VWA5B2: variants seen among roughly 807,000 people sequenced by gnomAD.
VWA5B2 encodes von Willebrand factor A domain-containing protein 5B2.
VWA5B2 carries 93 observed loss-of-function variants against 118.5 expected under a neutral mutation model. The ratio of observed to expected loss-of-function variants is 0.79; its 90% CI spans 0.66 to 0.93. The LOEUF is 0.93. Among genes scored for constraint, VWA5B2 ranks in the 40% least tolerant of loss-of-function variants. VWA5B2 has a pLI of 0.00. For missense variants in VWA5B2, 1,546 were observed against 1,672.8 expected (o/e 0.92, Z 1.32); for synonymous variants, 708 against 716.3 (o/e 0.99, Z 0.19).
intron 8 of VWA5B2, among the ~76,000 whole-genome samples, chr3:184,235,880 A>ACACACAGTCATGTATACCTCCAGAGTCC (rs1560153139): frequency 5.3e-5 from 8 of 151,404 alleles, no homozygotes; most frequent in African/African-American, 1.5e-4. Context: ...CCAGAGTCCC[A>ACACACAGTCATGTATACCTCCAGAGTCC]CACACAGTCA....
At chr3:184,236,590 C>G in intron 10 of VWA5B2, 39 bp downstream of exon 10, 1 of 1,547,744 alleles carries the variant, frequency 6.5e-7, no homozygotes, top group Non-Finnish European at 8.7e-7. Context: ...AGACTGAGCC[C>G]CCACAAGGGG....
rs1233375528 is a variant in VWA5B2 at position 184,233,240 on chromosome 3, G to A, written c.373G>A (p.Ala125Thr). The part of the protein sequence containing the change: ...STLVLPTGII[A>T]AAGTMTVTLH... ...GTTGGTGCTGCCCACAGGCATTATCGCCGCGGCTGGCACCATGACGGTGAC... is the reference window on the plus strand; with the variant it reads ...GTTGGTGCTGCCCACAGGCATTATCACCGCGGCTGGCACCATGACGGTGAC... The change falls in exon 4 of 20, where the codon GCC becomes ACC. Residue 125 changes from alanine (A) to threonine (T), a missense_variant. Around this residue, in one of 3 missense-constraint regions of VWA5B2, gnomAD observed 775 missense variants for 882.3 expected, o/e 0.88. Coordinates refer to ENST00000691901, the MANE Select transcript of VWA5B2 (RefSeq NM_001390846.1). The surrounding 1 kb of genome is among the most constrained non-coding windows in gnomAD (Gnocchi z 5.2). 5 of 1,550,206 alleles carry A rather than the reference G, an allele frequency of 3.2e-6. No homozygotes were observed. Among genetic ancestry groups the A allele is most frequent in the Admixed American group, 3.9e-5 (2 of 50,854 alleles).
intron 7 of VWA5B2, 191 bp from the exon 8 acceptor site, chr3:184,234,962 A>T: frequency 2.8e-6 from 3 of 1,063,466 alleles, no homozygotes; most frequent in Non-Finnish European, 4.0e-6. Context: ...GTCTCAGAGG[A>T]TGGAGGCTAG....
intron 3 of VWA5B2, chr3:184,232,824 A>G: frequency 3.4e-6 from 1 of 291,682 alleles, no homozygotes; most frequent in Non-Finnish European, 6.4e-6. Context: ...TCTATCCACA[A>G]GGGATGGTGG....
In VWA5B2 at chr3:184,233,116, T is replaced by C; in HGVS notation, c.311-62T>C. 1 of 1,462,652 alleles carries C rather than the reference T, an allele frequency of 6.8e-7. No homozygotes were observed. Among genetic ancestry groups the C allele is most frequent in the Non-Finnish European group, 9.2e-7 (1 of 1,082,618 alleles). The allele number at this position is 1,462,652 out of a possible 1,614,324, so 90.6% of individuals were successfully genotyped here. A position where few individuals can be genotyped will look rare whatever the true frequency, so the allele number is the denominator to read the frequency against. On this transcript the variant is annotated intron_variant, in intron 3 of 19. Coordinates refer to ENST00000691901, the MANE Select transcript of VWA5B2 (RefSeq NM_001390846.1). The surrounding 1 kb of genome is among the most constrained non-coding windows in gnomAD (Gnocchi z 5.2). ...CCCTGACCCAATGCCTGCTTCCACA[T>C]CTAGCTTCCTCCCTCTCCTCTGCTT...
In VWA5B2 at chr3:184,232,935, C is replaced by G; in HGVS notation, c.311-243C>G. On this transcript the variant is annotated intron_variant, in intron 3 of 19. Coordinates refer to ENST00000691901, the MANE Select transcript of VWA5B2 (RefSeq NM_001390846.1). ...GACATGGCCCCTTCTCCTCAGCCTT[C>G]CATTAGCAAGGATGTCACTGCTGCT... 5 of 557,668 alleles carry G rather than the reference C, an allele frequency of 9.0e-6. No individual in the cohort carries two copies. The South Asian group carries it at 1.1e-4, about 12-fold the overall frequency. 34.5% of individuals were successfully genotyped at this position (557,668 alleles called of 1,614,324 possible). A position where few individuals can be genotyped will look rare whatever the true frequency, so the allele number is the denominator to read the frequency against.
chr3:184,232,483 C>T (rs994531540), intron 3 of VWA5B2: 1 of 152,120 alleles, frequency 6.6e-6, no homozygotes, highest in African/African-American at 2.4e-5. Flanking sequence ...AACAATTGGT[C>T]ATTGTGAGGA....
Position 184,233,406 on chromosome 3 carries a change from T to C in VWA5B2, c.530+9T>C. The C allele has an allele frequency of 6.6e-7, 1 of 1,521,586 alleles. No homozygotes were observed. The highest frequency in any genetic ancestry group is 8.8e-7 in the Non-Finnish European group (1 of 1,135,146). 94.3% of individuals were successfully genotyped at this position (1,521,586 alleles called of 1,614,324 possible). On this transcript the variant is annotated intron_variant, in intron 4 of 19. Coordinates refer to ENST00000691901, the MANE Select transcript of VWA5B2 (RefSeq NM_001390846.1). The surrounding 1 kb of genome is among the most constrained non-coding windows in gnomAD (Gnocchi z 5.2). ...GGGCTCTGTGACGACAGGTTGGGCC[T>C]ATGGTGATTCTCTTCGTCCCTCCCT...
chr3:184,236,478 A>G lies in VWA5B2; in HGVS notation c.1348A>G (p.Thr450Ala), dbSNP rs1177949520. The G allele has an allele frequency of 6.5e-7, 1 of 1,547,024 alleles. No homozygotes were observed. The highest frequency in any genetic ancestry group is 8.7e-7 in the Non-Finnish European group (1 of 1,146,926). Reference sequence around the variant, plus strand: ...CTACCCTCGGCAGCTGTTCCTGCTCACTGCTGCCTCACCCATGGCCGCCAC... The same window carrying G: ...CTACCCTCGGCAGCTGTTCCTGCTCGCTGCTGCCTCACCCATGGCCGCCAC... ...RAYPRQLFLL[T>A]AASPMAATTH... The change falls in exon 10 of 20, where the codon ACT becomes GCT. Residue 450 changes from threonine (T) to alanine (A), a missense_variant. Coordinates refer to ENST00000691901, the MANE Select transcript of VWA5B2 (RefSeq NM_001390846.1).
In VWA5B2 at chr3:184,233,300, G is replaced by C; in HGVS notation, c.433G>C (p.Asp145His). The part of the protein sequence containing the change: ...HSSRELPSRP[D>H]GVLHVALPTV... ...CAGCCGGGAGCTGCCCTCAAGGCCTGACGGGGTGCTGCATGTGGCCCTGCC... is the reference window on the plus strand; with the variant it reads ...CAGCCGGGAGCTGCCCTCAAGGCCTCACGGGGTGCTGCATGTGGCCCTGCC... The change falls in exon 4 of 20, where the codon GAC (aspartate) becomes CAC (histidine). Residue 145 changes from aspartate (D) to histidine (H), a missense_variant. This residue lies in a region of VWA5B2 where 775 missense variants were observed against 882.3 expected (regional missense o/e 0.88). Transcript: ENST00000691901. This position sits in a 1 kb window ranked among gnomAD's most constrained non-coding sequence, Gnocchi z 5.2. 1 of 1,538,338 alleles carries C rather than the reference G, an allele frequency of 6.5e-7. No individual in the cohort carries two copies. Among genetic ancestry groups the C allele is most frequent in the Non-Finnish European group, 8.8e-7 (1 of 1,140,938 alleles).
In VWA5B2 at chr3:184,234,486, C is replaced by T; in HGVS notation, c.820+89C>T. ...TTCTTAAGTGCAGGTTTCTGGGCCC[C>T]AGCCAGATGGACTGAGTCATCTGTG... On this transcript the variant is annotated intron_variant, in intron 6 of 19. Coordinates refer to ENST00000691901, the MANE Select transcript of VWA5B2 (RefSeq NM_001390846.1). The T allele has an allele frequency of 3.3e-6, 5 of 1,536,074 alleles. No individual in the cohort carries two copies. The Admixed American group carries it at 5.9e-5, about 18-fold the overall frequency.
At chr3:184,230,162 G>A (rs568192272) in intron 1 of VWA5B2, among the ~76,000 whole-genome samples, 99 of 152,266 alleles carry the variant, frequency 6.5e-4, no homozygotes, top group Middle Eastern at 3.4e-3. Context: ...GCCCCGGGGG[G>A]CCGGCAGGTA....
In VWA5B2 at chr3:184,242,001, A is replaced by G. The variant is rs1207510777; in HGVS notation, c.3692A>G (p.Gln1231Arg). Residue 1231 changes from glutamine (Q) to arginine (R), a missense_variant, in exon 20 of 20, where the codon CAG becomes CGG. Physicochemically the swap from Gln to Arg is conservative, Grantham distance 43. Coordinates refer to ENST00000691901, the MANE Select transcript of VWA5B2 (RefSeq NM_001390846.1). ...LLLRHWDQNL[Q>R]LHLLCYSPAN... ...CTGCGCCACTGGGACCAAAACCTGC[A>G]GCTACACCTGCTGTGCTACAGCCCA... 2 of 1,550,442 alleles carry G rather than the reference A, an allele frequency of 1.3e-6. No individual in the cohort carries two copies. Among genetic ancestry groups the G allele is most frequent in the East Asian group, 4.9e-5 (2 of 40,906 alleles).
At position 184,242,317 on chromosome 3, in the gene VWA5B2, G is replaced by A. The variant is rs1718819969; in HGVS notation, c.*279G>A. 1 of 788,160 alleles carries A rather than the reference G, an allele frequency of 1.3e-6. No homozygotes were observed. Among genetic ancestry groups the A allele is most frequent in the East Asian group, 2.7e-5 (1 of 37,358 alleles). The allele number at this position is 788,160 out of a possible 1,614,324, so 48.8% of individuals were successfully genotyped here. On this transcript the variant is annotated 3_prime_UTR_variant, in exon 20 of 20. Coordinates refer to ENST00000691901, the MANE Select transcript of VWA5B2 (RefSeq NM_001390846.1). ...CAGTCCCCAAATCCTATGCAATAAA[G>A]TGCCTCTTAGGACTGCTTGAGTGAA... is the stretch of plus-strand genomic sequence containing the variant.
Position 184,235,266 on chromosome 3 carries a change from G to A in VWA5B2, c.1059G>A (p.Arg353=), listed in dbSNP as rs1172300384. 11 of 1,551,598 alleles carry A rather than the reference G, an allele frequency of 7.1e-6. No individual in the cohort carries two copies. In the South Asian group the frequency reaches 1.2e-4, roughly 17 times the overall value. The change falls in exon 8 of 20, where the codon CGG becomes CGA. Residue 353 remains arginine (R), a synonymous_variant. Transcript: ENST00000691901. ...CCGGACACCTGGGGACAGCTACTCG[G>A]GAGCTACTCTTCCTTTTGGATAGCA... ...SKPGHLGTAT[R]ELLFLLDSSS...
Position 184,241,883 on chromosome 3 carries a change from G to A in VWA5B2, c.3574G>A (p.Ala1192Thr). ...CTTCGACGAGTGGGAACTGACAGCGGCCAAGGCTGATTGCTGGCTGCGGGC... is the reference window on the plus strand; with the variant it reads ...CTTCGACGAGTGGGAACTGACAGCGACCAAGGCTGATTGCTGGCTGCGGGC... ...AAFDEWELTAAKADCWLRAQH... is the reference protein window; with the variant it reads ...AAFDEWELTATKADCWLRAQH... The change falls in exon 20 of 20, where the codon GCC becomes ACC. Residue 1192 changes from alanine (A) to threonine (T), a missense_variant. Transcript: ENST00000691901. The surrounding 1 kb of genome is among the most constrained non-coding windows in gnomAD (Gnocchi z 5.1). 1 of 1,546,910 alleles carries A rather than the reference G, an allele frequency of 6.5e-7. No individual in the cohort carries two copies. Among genetic ancestry groups the A allele is most frequent in the Non-Finnish European group, 8.7e-7 (1 of 1,146,734 alleles).
rs1717269048 is a variant in VWA5B2 at position 184,230,508 on chromosome 3, C to G, written c.-21C>G. On this transcript the variant is annotated 5_prime_UTR_variant, in exon 2 of 20. Coordinates refer to ENST00000691901, the MANE Select transcript of VWA5B2 (RefSeq NM_001390846.1). ...GCCCAGCTTCCCCGGCCCGTTCCCG[C>G]AGGGCCGGCCTCCCGGCGCCATGCC... 2 of 1,441,306 alleles carry G rather than the reference C, an allele frequency of 1.4e-6. No individual in the cohort carries two copies. The highest frequency in any genetic ancestry group is 1.8e-6 in the Non-Finnish European group (2 of 1,107,446). 89.3% of individuals were successfully genotyped at this position (1,441,306 alleles called of 1,614,324 possible).
intron 16 of VWA5B2, chr3:184,240,463 G>T: frequency 2.4e-6 from 1 of 417,724 alleles, no homozygotes; most frequent in South Asian, 4.5e-5. Context: ...TACCACATTG[G>T]ATCATGAAGA....
rs1718306726 is a variant in VWA5B2, at chr3:184,239,197, G to A, written c.2203-197G>A. 6.6e-6 allele frequency among the ~76,000 whole-genome samples: 1 copy of A among 152,202 alleles called. No individual in the cohort carries two copies. Among genetic ancestry groups the A allele is most frequent in the Non-Finnish European group, 1.5e-5 (1 of 68,038 alleles). On this transcript the variant is annotated intron_variant, in intron 14 of 19. Transcript: ENST00000691901. This position sits in a 1 kb window ranked among gnomAD's most constrained non-coding sequence, Gnocchi z 5.1. ...AGCAACAACCACAAGTGGGAAATAGGGAGTGGAGTGGGATGATGCTGGGAA... is the reference window on the plus strand; with the variant it reads ...AGCAACAACCACAAGTGGGAAATAGAGAGTGGAGTGGGATGATGCTGGGAA...
Sources: gnomAD v4.1 joint callset for allele counts (sites outside exome capture counted in the v4.1 genomes callset) on GRCh38, gnomAD v4.1.1 for gene constraint, gnomAD v4.1.1 regional missense constraint, Gnocchi (gnomAD v3.1) non-coding constraint, MANE v1.5 for transcripts, NCBI Gene and HGNC (gene_info 2026-07-23, HGNC 2026-07-21) for gene names.